The following NPAS3 variants were observed in gnomAD, a reference collection of about 807,000 sequenced individuals.
NPAS3 encodes the protein neuronal PAS domain protein 3.
NPAS3 carries 14 observed loss-of-function variants against 73.1 expected under a neutral mutation model. The ratio of observed to expected loss-of-function variants is 0.19; its 90% CI spans 0.13 to 0.30. The LOEUF is 0.30. NPAS3 is among the 10% of genes least tolerant of loss of function. NPAS3 has a pLI of 1.00. For synonymous variants in NPAS3, 620 were observed against 541.5 expected (o/e 1.14, Z -2.01); for missense variants, 1,096 against 1,250.0 (o/e 0.88, Z 1.86).
chr14:33,110,894 G>A (rs927758), intron 2 of NPAS3, among the ~76,000 whole-genome samples: 34,320 of 152,108 alleles, frequency 0.23, 4,511 homozygotes, highest in Middle Eastern at 0.31. Context: ...TGAGACTGCT[G>A]ACATAGCAGT....
intron 4 of NPAS3, among the ~76,000 whole-genome samples, chr14:33,438,407 G>A (rs1004273605): frequency 2.6e-5 from 4 of 152,176 alleles, no homozygotes; most frequent in Non-Finnish European, 5.9e-5. Context: ...TTTCCTGGCC[G>A]AATGGGGGAA....
chr14:33,496,217 A>G (rs1814673332), intron 4 of NPAS3, among the ~76,000 whole-genome samples: 1 of 152,062 alleles, frequency 6.6e-6, no homozygotes. Context: ...TAGCCTACCA[A>G]CCAAAAAAAG....
intron 3 of NPAS3, among the ~76,000 whole-genome samples, chr14:33,271,094 A>G (rs1300305022): frequency 6.6e-6 from 1 of 152,228 alleles, no homozygotes; most frequent in Non-Finnish European, 1.5e-5. Context: ...CTTAGGTTCA[A>G]CAAAGAAGTA....
At chr14:33,218,661 G>A (rs1040158073) in intron 3 of NPAS3, among the ~76,000 whole-genome samples, 5 of 152,134 alleles carry the variant, frequency 3.3e-5, no homozygotes, top group African/African-American at 4.8e-5. Flanking sequence ...TTGGCAATTC[G>A]TATGAAATGT....
At chr14:33,348,649 A>T (rs1049527485) in intron 3 of NPAS3, among the ~76,000 whole-genome samples, 9 of 152,178 alleles carry the variant, frequency 5.9e-5, no homozygotes, top group Non-Finnish European at 1.0e-4. Context: ...GCAGAATTCT[A>T]CTACAAAAGC....
At chr14:33,573,753 A>G (rs2056325700) in intron 5 of NPAS3, among the ~76,000 whole-genome samples, 1 of 152,196 alleles carries the variant, frequency 6.6e-6, no homozygotes, top group Non-Finnish European at 1.5e-5. Flanking sequence ...GAAAAGTGCA[A>G]TATTAGATTT....
intron 4 of NPAS3, among the ~76,000 whole-genome samples, chr14:33,395,534 A>G (rs2047184393): frequency 1.3e-5 from 2 of 152,088 alleles, no homozygotes; most frequent in South Asian, 4.1e-4. Flanking sequence ...ATGCATACAT[A>G]TGTGCACGTA....
chr14:33,397,406 T>C (rs539448396), intron 4 of NPAS3, among the ~76,000 whole-genome samples: 4 of 152,246 alleles, frequency 2.6e-5, no homozygotes, highest in Non-Finnish European at 4.4e-5. Context: ...ATTTACGCCA[T>C]TTGCCCCAAG....
chr14:33,268,685 G>A (rs2040932355), intron 3 of NPAS3, among the ~76,000 whole-genome samples: 1 of 152,104 alleles, frequency 6.6e-6, no homozygotes, highest in East Asian at 1.9e-4. Context: ...ACTTGACGTA[G>A]CCTCTACCTA....
chr14:33,743,545 T>C (rs2061707183), intron 7 of NPAS3, among the ~76,000 whole-genome samples: 1 of 152,180 alleles, frequency 6.6e-6, no homozygotes, highest in Non-Finnish European at 1.5e-5. Flanking sequence ...AAAAGCATAA[T>C]TCTTAAGAGC....
chr14:33,781,129 G>T (rs2062967128), intron 9 of NPAS3, among the ~76,000 whole-genome samples: 2 of 152,146 alleles, frequency 1.3e-5, no homozygotes, highest in Non-Finnish European at 2.9e-5. Context: ...AAAACTGTAG[G>T]GGGAGGAAAA....
At chr14:33,715,683 T>G (rs767988525) in intron 6 of NPAS3, among the ~76,000 whole-genome samples, 31 of 152,184 alleles carry the variant, frequency 2.0e-4, no homozygotes, top group Non-Finnish European at 3.5e-4. Context: ...ATGTACTAAT[T>G]TATCTACAAA....
chr14:33,597,898 T>A (rs372132880), intron 5 of NPAS3, among the ~76,000 whole-genome samples: 60 of 152,326 alleles, frequency 3.9e-4, no homozygotes, highest in Middle Eastern at 6.8e-3. Context: ...TTTATTTTTT[T>A]AAAAAGCCTA....
chr14:33,263,193 C>T (rs1028300759), intron 3 of NPAS3, among the ~76,000 whole-genome samples: 7 of 152,132 alleles, frequency 4.6e-5, no homozygotes, highest in African/African-American at 1.7e-4. Context: ...AAGTCCTTGC[C>T]CATGCCTGTG....
At chr14:33,077,182 A>G (rs1163173118) in intron 2 of NPAS3, among the ~76,000 whole-genome samples, 1 of 152,166 alleles carries the variant, frequency 6.6e-6, no homozygotes, top group African/African-American at 2.4e-5. Context: ...ATAACAATAA[A>G]CAGGAAAGTG....
chr14:33,667,634 C>G (rs2059489599), intron 5 of NPAS3, among the ~76,000 whole-genome samples: 1 of 152,146 alleles, frequency 6.6e-6, no homozygotes, highest in Non-Finnish European at 1.5e-5. Context: ...AAGATAACCT[C>G]AAACCCTACC....
At chr14:33,224,844 G>A (rs1306612337) in intron 3 of NPAS3, among the ~76,000 whole-genome samples, 1 of 152,054 alleles carries the variant, frequency 6.6e-6, no homozygotes, top group Non-Finnish European at 1.5e-5. Context: ...TCTATGAAAA[G>A]AATAATTTTA....
At chr14:33,360,358 AG>A (rs532157216) in intron 3 of NPAS3, among the ~76,000 whole-genome samples, 2 of 138,438 alleles carry the variant, frequency 1.4e-5, no homozygotes, top group South Asian at 5.1e-4. Flanking sequence ...TGGGGGCGGG[AG>A]GGGGCTGGTG....
chr14:33,369,226 C>T (rs1193884933), intron 4 of NPAS3, among the ~76,000 whole-genome samples: 1 of 151,978 alleles, frequency 6.6e-6, no homozygotes, highest in Non-Finnish European at 1.5e-5. Context: ...ATGGTTGCAT[C>T]AGCTGTCACA....
Sources: gnomAD v4.1 joint callset for allele counts (sites outside exome capture counted in the v4.1 genomes callset) on GRCh38, gnomAD v4.1.1 for gene constraint, MANE v1.5 for transcripts, NCBI Gene and HGNC (gene_info 2026-07-23, HGNC 2026-07-21) for gene names.